Variants in SORCS2 observed in about 807,000 individuals in gnomAD.
SORCS2 encodes the protein VPS10 domain-containing receptor SorCS2.
Under a neutral mutation model 141.6 loss-of-function variants are expected in SORCS2, and 100 were observed. The observed-to-expected ratio is 0.71, with a 90% CI of 0.60 to 0.83. The LOEUF is 0.83. Ranked by LOEUF, SORCS2 falls within the 40% of genes least tolerant of loss-of-function variation. The pLI is 0.00. For synonymous variants in SORCS2, 789 were observed against 676.9 expected (o/e 1.17, Z -2.57); for missense variants, 1,646 against 1,560.2 (o/e 1.05, Z -0.93).
intron 10 of SORCS2, among the ~76,000 whole-genome samples, chr4:7,685,021 C>A (rs745697434): frequency 6.6e-6 from 1 of 152,234 alleles, no homozygotes; most frequent in Non-Finnish European, 1.5e-5. Flanking sequence ...TCTGCTCAAG[C>A]CCCGCTCCTG....
intron 4 of SORCS2, among the ~76,000 whole-genome samples, chr4:7,646,739 C>A (rs1413998569): frequency 1.3e-5 from 2 of 152,242 alleles, no homozygotes; most frequent in African/African-American, 2.4e-5. Context: ...CTGCCGATAC[C>A]TTGATCTTGG....
chr4:7,628,181 CACAGA>C (rs1214804134), intron 3 of SORCS2, among the ~76,000 whole-genome samples: 1 of 152,148 alleles, frequency 6.6e-6, no homozygotes, highest in African/African-American at 2.4e-5. Flanking sequence ...GACATCAGCA[CACAGA>C]ACAGAACAGA....
intron 8 of SORCS2, among the ~76,000 whole-genome samples, chr4:7,668,880 G>C (rs16840775): frequency 0.3 from 44,857 of 151,896 alleles, 8,637 homozygotes; most frequent in African/African-American, 0.54. Flanking sequence ...GTGCACAGCC[G>C]AGAATTAGGC....
intron 1 of SORCS2, among the ~76,000 whole-genome samples, chr4:7,388,911 T>C (rs1281525562): frequency 6.6e-6 from 1 of 152,020 alleles, no homozygotes; most frequent in Non-Finnish European, 1.5e-5. Context: ...TGTTGTGGTG[T>C]TGTGGTGTTG....
At chr4:7,739,198 C>T (rs1453159756) in intron 26 of SORCS2, among the ~76,000 whole-genome samples, 1 of 152,222 alleles carries the variant, frequency 6.6e-6, no homozygotes. Flanking sequence ...GACTCAGTGG[C>T]TATACAGCTG....
intron 2 of SORCS2, among the ~76,000 whole-genome samples, chr4:7,403,997 AT>A (rs60403055): frequency 0.026 from 483 of 18,594 alleles, 5 homozygotes; most frequent in East Asian, 0.039. Flanking sequence ...ATATATATAT[AT>A]TTTTTTTTTT....
At position 7,192,705 on chromosome 4, in the gene SORCS2, C is replaced by T. The variant is rs1249364874; in HGVS notation, c.59C>T (p.Pro20Leu). Residue 20 changes from proline (P) to leucine (L), a missense_variant, in exon 1 of 27, where the codon CCG becomes CTG. Physicochemically the swap from Pro to Leu is moderately conservative, Grantham distance 98. Transcript: ENST00000507866. The surrounding 1 kb of genome is among the most constrained non-coding windows in gnomAD (Gnocchi z 4.0). Reference protein sequence around the residue: ...SKGPGPTARAPSPGAPPPPRS... With the variant: ...SKGPGPTARALSPGAPPPPRS... ...GGCCCCGGCCCCACCGCCCGAGCCC[C>T]GAGCCCCGGGGCTCCGCCGCCGCCG... The T allele has an allele frequency of 4.0e-6, 4 of 989,570 alleles. No individual in the cohort carries two copies. The highest frequency in any genetic ancestry group is 2.2e-4 in the East Asian group (2 of 8,978). The allele number at this position is 989,570 out of a possible 1,614,324, so 61.3% of individuals were successfully genotyped here. A position where few individuals can be genotyped will look rare whatever the true frequency, so the allele number is the denominator to read the frequency against.
At chr4:7,483,680 G>A (rs77679400) in intron 2 of SORCS2, among the ~76,000 whole-genome samples, 18,808 of 151,970 alleles carry the variant, frequency 0.12, 1,282 homozygotes, top group Admixed American at 0.17. Context: ...ACAACGTCCT[G>A]GGAGGGAGTA....
At position 7,619,917 on chromosome 4, in the gene SORCS2, G is replaced by C. The variant is rs761483543; in HGVS notation, c.649-18411G>C. Among the ~76,000 whole-genome samples the C allele has an allele frequency of 2.9e-4, 44 of 152,230 alleles. 1 individual carries two copies. The highest frequency in any genetic ancestry group is 3.4e-3 in the Middle Eastern group (1 of 294). On this transcript the variant is annotated intron_variant, in intron 3 of 26. Transcript: ENST00000507866. ...ATAAAGAGGGTCTCGGCACAGATTC[G>C]TCAGCCCCTGCCCCTGCCCCTGCCC...
chr4:7,698,708 G>A (rs532806257), intron 12 of SORCS2, among the ~76,000 whole-genome samples: 16 of 152,356 alleles, frequency 1.1e-4, no homozygotes, highest in South Asian at 4.1e-4. Context: ...GTGCTGAGCC[G>A]AGGCCTGGCC....
chr4:7,255,867 TGGGGCCCCGGGGCTGGAGC>T (rs1280654657), intron 1 of SORCS2, among the ~76,000 whole-genome samples: 7 of 8,738 alleles, frequency 8.0e-4, no homozygotes, highest in Non-Finnish European at 1.8e-3. Flanking sequence ...GGCTGGAGCG[TGGGGCCCCGGGGCTGGAGC>T]GTGGGGACCC....
chr4:7,205,106 T>C (rs1727664122), intron 1 of SORCS2, among the ~76,000 whole-genome samples: 1 of 152,274 alleles, frequency 6.6e-6, no homozygotes, highest in Admixed American at 6.5e-5. Flanking sequence ...GTTTATTTTC[T>C]GATTTTTCAT....
chr4:7,278,198 G>T (rs774636477), intron 1 of SORCS2, among the ~76,000 whole-genome samples: 15 of 151,222 alleles, frequency 9.9e-5, no homozygotes, highest in Non-Finnish European at 2.1e-4. Context: ...TAGCGTGTAA[G>T]TCCCCACCTG....
At chr4:7,226,909 T>C (rs1158377107) in intron 1 of SORCS2, among the ~76,000 whole-genome samples, 2 of 152,208 alleles carry the variant, frequency 1.3e-5, no homozygotes, top group African/African-American at 4.8e-5. Flanking sequence ...ACAAATTGAA[T>C]GATGCCTTGC....
At chr4:7,729,528 A>G (rs1727458068) in intron 22 of SORCS2, 59 bp from the exon 23 acceptor site, 3 of 1,536,278 alleles carry the variant, frequency 2.0e-6, no homozygotes, top group Non-Finnish European at 2.6e-6. Context: ...TGGGGGCCCC[A>G]GTATGAGGCA....
chr4:7,193,194 C>A lies in SORCS2; in HGVS notation c.480+68C>A. 2 of 1,384,034 alleles carry A rather than the reference C, an allele frequency of 1.4e-6. No homozygotes were observed. The highest frequency in any genetic ancestry group is 1.5e-5 in the African/African-American group (1 of 66,582). 85.7% of individuals were successfully genotyped at this position (1,384,034 alleles called of 1,614,324 possible). A position where few individuals can be genotyped will look rare whatever the true frequency, so the allele number is the denominator to read the frequency against. On this transcript the variant is annotated intron_variant, in intron 1 of 26. Transcript: ENST00000507866. The surrounding 1 kb of genome is among the most constrained non-coding windows in gnomAD (Gnocchi z 4.8). ...ACCGCGGGACACCCGGGCGGGACCG[C>A]CACGGCCCCCACCCCAGATCCCCAC...
At chr4:7,491,156 G>A (rs1731294509) in intron 2 of SORCS2, among the ~76,000 whole-genome samples, 1 of 152,158 alleles carries the variant, frequency 6.6e-6, no homozygotes, top group Non-Finnish European at 1.5e-5. Flanking sequence ...TGTACCCTGA[G>A]CCTTCCTGAT....
intron 2 of SORCS2, among the ~76,000 whole-genome samples, chr4:7,450,579 G>C (rs957077191): frequency 6.6e-6 from 1 of 152,218 alleles, no homozygotes; most frequent in African/African-American, 2.4e-5. Context: ...GGATGCATCC[G>C]TGCCTTCTCT....
At chr4:7,433,420 C>G in intron 2 of SORCS2, 2 of 1,513,886 alleles carry the variant, frequency 1.3e-6, no homozygotes, top group Non-Finnish European at 1.8e-6. Context: ...GCACCAGAAG[C>G]TTGGGCCCAG....
Sources: allele counts gnomAD v4.1 joint callset (sites outside exome capture counted in the v4.1 genomes callset), GRCh38; gene constraint gnomAD v4.1.1; non-coding constraint Gnocchi (gnomAD v3.1); transcripts MANE v1.5; gene names NCBI Gene and HGNC (gene_info 2026-07-23, HGNC 2026-07-21).